Variants in TXNDC8 observed in about 807,000 individuals in gnomAD.
TXNDC8 encodes the protein thioredoxin domain-containing protein 8.
A neutral mutation model predicts 12.9 loss-of-function variants in TXNDC8; 15 were observed. The observed-to-expected ratio is 1.16, with a 90% CI of 0.78 to 1.79. The LOEUF (loss-of-function observed/expected upper bound fraction) is 1.79, where lower values mean the gene tolerates loss of function less well. TXNDC8 is among the 40% of genes most tolerant of loss of function. The probability of loss-of-function intolerance (pLI) is 0.00; values close to 1 mark genes in which losing one functional copy is unlikely to be tolerated. For missense variants in TXNDC8, 128 were observed against 113.2 expected (o/e 1.13, Z -0.59); for synonymous variants, 40 against 35.4 (o/e 1.13, Z -0.46).
intron 1 of TXNDC8, among the ~76,000 whole-genome samples, chr9:110,334,730 G>A (rs1365438064): frequency 1.3e-5 from 2 of 152,186 alleles, no homozygotes; most frequent in East Asian, 3.8e-4. Context: ...GAAACAGGTT[G>A]GCCAGGGAGG....
intron 3 of TXNDC8, among the ~76,000 whole-genome samples, chr9:110,305,443 A>G (rs1205717982): frequency 6.6e-6 from 1 of 152,204 alleles, no homozygotes; most frequent in African/African-American, 2.4e-5. Flanking sequence ...CTTTGTGAGC[A>G]CATAAGCACT....
At chr9:110,315,906 C>CT (rs958796135) in intron 3 of TXNDC8, among the ~76,000 whole-genome samples, 5 of 149,878 alleles carry the variant, frequency 3.3e-5, no homozygotes, top group East Asian at 2.0e-4. Context: ...TTTCTTTTTT[C>CT]TTTTTTTTTG....
chr9:110,334,069 A>G, intron 2 of TXNDC8, 147 bp downstream of exon 2: 1 of 578,496 alleles, frequency 1.7e-6, no homozygotes, highest in South Asian at 2.4e-5. Flanking sequence ...AGATCTCGGT[A>G]TATTATCTTC....
intron 3 of TXNDC8, among the ~76,000 whole-genome samples, chr9:110,312,463 G>A (rs910777205): frequency 2.0e-5 from 3 of 152,200 alleles, no homozygotes; most frequent in African/African-American, 7.2e-5. Context: ...TTCTGTACAG[G>A]ATTCCTGACC....
chr9:110,337,509 C>T (rs571221508), intron 1 of TXNDC8, among the ~76,000 whole-genome samples: 72 of 152,304 alleles, frequency 4.7e-4, no homozygotes, highest in African/African-American at 1.7e-3. Context: ...GTACTAGGAG[C>T]TGGTCTGGGA....
chr9:110,305,794 T>C (rs1262434803), intron 3 of TXNDC8, among the ~76,000 whole-genome samples: 1 of 43,932 alleles, frequency 2.3e-5, no homozygotes, highest in Non-Finnish European at 4.1e-5. Context: ...TTTTCTTTCT[T>C]TTCTTTTCTT....
intron 3 of TXNDC8, among the ~76,000 whole-genome samples, chr9:110,315,313 G>C (rs1272635467): frequency 6.6e-6 from 1 of 151,956 alleles, no homozygotes; most frequent in East Asian, 1.9e-4. Flanking sequence ...GGCCAGGCTG[G>C]TCTCGAACTC....
chr9:110,304,666 A>G, intron 3 of TXNDC8, 134 bp from the exon 5 acceptor site: 1 of 735,352 alleles, frequency 1.4e-6, no homozygotes. Context: ...TCTCTTTGCT[A>G]AGAGTTAGGT....
chr9:110,326,283 C>A (rs1406205568), intron 2 of TXNDC8, 43 bp from the exon 4 acceptor site: 1 of 1,602,954 alleles, frequency 6.2e-7, no homozygotes, highest in Non-Finnish European at 8.5e-7. Flanking sequence ...GTATTGGTGT[C>A]CTCTCTCTGT....
chr9:110,305,147 C>CA (rs769344640), intron 3 of TXNDC8, among the ~76,000 whole-genome samples: 4,558 of 55,426 alleles, frequency 0.082, 269 homozygotes, highest in Non-Finnish European at 0.092. Context: ...GATTCTGTCT[C>CA]AAAAAAAAAA....
chr9:110,336,967 TAAAAC>T (rs1839782100), intron 1 of TXNDC8, among the ~76,000 whole-genome samples: 1 of 152,168 alleles, frequency 6.6e-6, no homozygotes, highest in Non-Finnish European at 1.5e-5. Flanking sequence ...CCCAGAATAT[TAAAAC>T]AATAAGTGTC....
chr9:110,304,117 G>A (rs1838336251), intron 4 of TXNDC8, among the ~76,000 whole-genome samples: 1 of 152,154 alleles, frequency 6.6e-6, no homozygotes, highest in South Asian at 2.1e-4. Context: ...CTTCTTAGTG[G>A]TATATAAAAT....
intron 2 of TXNDC8, among the ~76,000 whole-genome samples, chr9:110,328,806 C>T (rs1272828759): frequency 6.6e-6 from 1 of 152,148 alleles, no homozygotes; most frequent in East Asian, 1.9e-4. Flanking sequence ...AACTCTGTCC[C>T]CCACCCCCCA....
intron 3 of TXNDC8, among the ~76,000 whole-genome samples, chr9:110,312,666 A>G (rs1026046966): frequency 3.3e-5 from 5 of 152,360 alleles, no homozygotes; most frequent in African/African-American, 1.2e-4. Context: ...TTAAAAGCCT[A>G]TGTAAAAAAA....
intron 3 of TXNDC8, among the ~76,000 whole-genome samples, chr9:110,305,467 T>G (rs892903960): frequency 5.3e-5 from 8 of 152,204 alleles, no homozygotes; most frequent in African/African-American, 1.7e-4. Context: ...TTCTGTTGTA[T>G]AGCTAGAAGT....
At chr9:110,302,528 T>C (rs1182523000), downstream of TXNDC8, among the ~76,000 whole-genome samples, 3 of 152,214 alleles carry the variant, frequency 2.0e-5, no homozygotes, top group Non-Finnish European at 4.4e-5. Flanking sequence ...ACTCTGTCTA[T>C]GACTTAAGAC....
chr9:110,329,128 G>C (rs1354398478), intron 2 of TXNDC8, 104 bp downstream of exon 3: 2 of 971,754 alleles, frequency 2.1e-6, no homozygotes, highest in Non-Finnish European at 3.1e-6. Context: ...TAAAATTCTA[G>C]TTGATTTTAA....
At chr9:110,319,618 A>G (rs1839016679) in intron 3 of TXNDC8, among the ~76,000 whole-genome samples, 1 of 152,228 alleles carries the variant, frequency 6.6e-6, no homozygotes, top group Admixed American at 6.5e-5. Flanking sequence ...GCAAAAACTT[A>G]CTGAAGATGC....
In TXNDC8 at chr9:110,311,539, A is replaced by G. The variant is rs1395678379; in HGVS notation, c.196-7007T>C. Among the ~76,000 whole-genome samples, 8 of 123,200 alleles carry G rather than the reference A, an allele frequency of 6.5e-5. 1 individual carries two copies. Among genetic ancestry groups the G allele is most frequent in the African/African-American group, 2.6e-4 (7 of 27,294 alleles). The allele number at this position is 123,200 out of a possible 152,430, so 80.8% of individuals were successfully genotyped here. A position where few individuals can be genotyped will look rare whatever the true frequency, so the allele number is the denominator to read the frequency against. On this transcript the variant is annotated intron_variant, in intron 3 of 4. Coordinates refer to ENST00000423740, the MANE Select transcript of TXNDC8 (RefSeq NM_001286946.2). ...TAAAGAGGTATATATATATATATATATATATATATATATATATATCTCCAT... is the reference window on the plus strand; with the variant it reads ...TAAAGAGGTATATATATATATATATGTATATATATATATATATATCTCCAT...
Sources: gnomAD v4.1 joint callset for allele counts (sites outside exome capture counted in the v4.1 genomes callset) on GRCh38, gnomAD v4.1.1 for gene constraint, MANE v1.5 for transcripts, NCBI Gene and HGNC (gene_info 2026-07-23, HGNC 2026-07-21) for gene names.